The following TMEM245 variants were observed in gnomAD, a reference collection of about 807,000 sequenced individuals.
TMEM245 encodes transmembrane protein 245.
A neutral mutation model predicts 101.2 loss-of-function variants in TMEM245; 69 were observed. The observed-to-expected ratio is 0.68, with a 90% CI of 0.56 to 0.83. The LOEUF (loss-of-function observed/expected upper bound fraction) is 0.83. Ranked by LOEUF, TMEM245 falls within the 40% of genes least tolerant of loss-of-function variation. The pLI is 0.00. For missense variants in TMEM245, 1,075 were observed against 1,092.8 expected (o/e 0.98, Z 0.23); for synonymous variants, 537 against 449.8 (o/e 1.19, Z -2.45).
chr9:109,067,827 C>G (rs1158003293), intron 9 of TMEM245, among the ~76,000 whole-genome samples: 1 of 152,142 alleles, frequency 6.6e-6, no homozygotes, highest in Non-Finnish European at 1.5e-5. Flanking sequence ...CATATAAAAC[C>G]ACACCAAGTT....
intron 12 of TMEM245, among the ~76,000 whole-genome samples, chr9:109,051,750 T>C (rs570219364): frequency 2.4e-4 from 36 of 152,324 alleles, no homozygotes; most frequent in African/African-American, 8.4e-4. Context: ...GTACAACCTG[T>C]GGTTATATTT....
chr9:109,034,839 C>T (rs1564171667), intron 16 of TMEM245, among the ~76,000 whole-genome samples: 1 of 152,148 alleles, frequency 6.6e-6, no homozygotes, highest in African/African-American at 2.4e-5. Flanking sequence ...CCAAACCTTT[C>T]ATTTCCCAAT....
At chr9:109,063,121 A>AT (rs1388653546) in intron 10 of TMEM245, among the ~76,000 whole-genome samples, 1 of 151,082 alleles carries the variant, frequency 6.6e-6, no homozygotes, top group Admixed American at 6.6e-5. Flanking sequence ...AGCTCATCTA[A>AT]TTTTTTTTTC....
In TMEM245 at chr9:109,040,178, G is replaced by T. The variant is rs943720360; in HGVS notation, c.2124-2061C>A. 4.6e-5 allele frequency among the ~76,000 whole-genome samples: 7 copies of T among 152,264 alleles called. No individual in the cohort carries two copies. The East Asian group carries it at 1.4e-3, about 29-fold the overall frequency. ...TAAACATATTCATGTAACCTAGTGA[G>T]GGATGAAAAGACAATATATTCCCCT... On this transcript the variant is annotated intron_variant, in intron 14 of 17. Transcript: ENST00000374586.
intron 16 of TMEM245, chr9:109,035,913 G>A (rs72760313): frequency 0.14 from 22,662 of 167,430 alleles, 1,905 homozygotes; most frequent in African/African-American, 0.22. Flanking sequence ...CTGCACTCTA[G>A]CAGTCTGAGT....
intron 1 of TMEM245, among the ~76,000 whole-genome samples, chr9:109,114,386 T>C (rs1360013534): frequency 6.6e-6 from 1 of 152,192 alleles, no homozygotes; most frequent in African/African-American, 2.4e-5. Context: ...CTGACTAACG[T>C]CCACTGCTGA....
intron 8 of TMEM245, among the ~76,000 whole-genome samples, chr9:109,080,300 A>G (rs1829630411): frequency 6.6e-6 from 1 of 152,082 alleles, no homozygotes; most frequent in African/African-American, 2.4e-5. Context: ...AAAAAATAGT[A>G]AGAGATATCA....
chr9:109,079,624 T>C (rs1456314728), intron 8 of TMEM245, among the ~76,000 whole-genome samples: 1 of 152,116 alleles, frequency 6.6e-6, no homozygotes, highest in African/African-American at 2.4e-5. Context: ...TCAGTAATAC[T>C]TGTTATCAAA....
At chr9:109,069,331 G>A (rs1391752859) in intron 9 of TMEM245, among the ~76,000 whole-genome samples, 1 of 152,082 alleles carries the variant, frequency 6.6e-6, no homozygotes, top group East Asian at 1.9e-4. Flanking sequence ...GGCTGAGGCT[G>A]AGCCCTAGAG....
intron 12 of TMEM245, among the ~76,000 whole-genome samples, chr9:109,053,638 G>C (rs917031420): frequency 1.3e-5 from 2 of 152,180 alleles, no homozygotes; most frequent in Non-Finnish European, 2.9e-5. Context: ...GACCAACAAG[G>C]CCTCACCATC....
intron 15 of TMEM245, 150 bp downstream of exon 15, chr9:109,037,867 A>C (rs1197498898): frequency 7.3e-6 from 4 of 547,600 alleles, no homozygotes; most frequent in Non-Finnish European, 1.3e-5. Flanking sequence ...ATTACAAATC[A>C]TATTTCTGTT....
rs989014255 is a variant in TMEM245, at chr9:109,033,234, G to T, written c.2594+73C>A. ...CTTTATCCTGACAAGTCTGGATGAA[G>T]CTACTTATCAAATACAGAGACAGGA... is the stretch of plus-strand genomic sequence containing the variant. On this transcript the variant is annotated intron_variant, in intron 17 of 17. Coordinates refer to ENST00000374586, the MANE Select transcript of TMEM245 (RefSeq NM_032012.4). The T allele has an allele frequency of 5.0e-6, 7 of 1,408,952 alleles. No individual in the cohort carries two copies. The African/African-American group carries it at 7.2e-5, about 14-fold the overall frequency. 87.3% of individuals were successfully genotyped at this position (1,408,952 alleles called of 1,614,324 possible). A position where few individuals can be genotyped will look rare whatever the true frequency, so the allele number is the denominator to read the frequency against.
intron 7 of TMEM245, among the ~76,000 whole-genome samples, chr9:109,081,829 A>T (rs2132525121): frequency 6.6e-6 from 1 of 152,328 alleles, no homozygotes; most frequent in East Asian, 1.9e-4. Context: ...GCTATCTGAC[A>T]TTATCTTGCT....
chr9:109,067,564 A>C (rs1301628319), intron 9 of TMEM245, among the ~76,000 whole-genome samples: 2 of 152,252 alleles, frequency 1.3e-5, no homozygotes, highest in Non-Finnish European at 2.9e-5. Flanking sequence ...CAAGTAAGCG[A>C]AGGGATAAGT....
chr9:109,117,411 C>A (rs1318198239), intron 1 of TMEM245, among the ~76,000 whole-genome samples: 1 of 152,176 alleles, frequency 6.6e-6, no homozygotes, highest in Non-Finnish European at 1.5e-5. Context: ...AGCCACCGCG[C>A]CCGGCCAATT....
intron 17 of TMEM245, among the ~76,000 whole-genome samples, chr9:109,021,326 G>T (rs1295795402): frequency 1.3e-5 from 2 of 152,154 alleles, no homozygotes; most frequent in Non-Finnish European, 2.9e-5. Context: ...TCACACCAAG[G>T]CTGGCAGTAC....
chr9:109,058,587 C>T (rs1285465450), intron 11 of TMEM245, among the ~76,000 whole-genome samples: 1 of 152,102 alleles, frequency 6.6e-6, no homozygotes. Context: ...AAAAATTAGA[C>T]AAGCATGATG....
chr9:109,059,962 TA>T (rs1408308395), intron 11 of TMEM245, among the ~76,000 whole-genome samples: 1 of 152,076 alleles, frequency 6.6e-6, no homozygotes, highest in African/African-American at 2.4e-5. Context: ...GATTATATAT[TA>T]AAATAATAGT....
At chr9:109,106,113 C>T (rs1249872885) in intron 3 of TMEM245, among the ~76,000 whole-genome samples, 2 of 150,950 alleles carry the variant, frequency 1.3e-5, no homozygotes, top group East Asian at 2.0e-4. Flanking sequence ...GTAGCCCTCG[C>T]TACTTGGGAG....
Sources: allele counts gnomAD v4.1 joint callset (sites outside exome capture counted in the v4.1 genomes callset), GRCh38; gene constraint gnomAD v4.1.1; transcripts MANE v1.5; gene names NCBI Gene and HGNC (gene_info 2026-07-23, HGNC 2026-07-21).